Variants in NELL2 observed in about 807,000 individuals in gnomAD.
NELL2 encodes the protein protein kinase C-binding protein NELL2.
A neutral mutation model predicts 109.6 loss-of-function variants in NELL2; 41 were observed. The observed-to-expected ratio is 0.37, with a 90% CI of 0.29 to 0.49. The LOEUF is 0.49. NELL2 is among the 20% of genes least tolerant of loss of function. The pLI is 0.98. For missense variants in NELL2, 900 were observed against 1,008.3 expected, an observed-to-expected ratio of 0.89 and a Z score of 1.45; for synonymous variants, 355 against 344.7, an observed-to-expected ratio of 1.03 and a Z score of -0.33.
Position 44,683,484 on chromosome 12 carries a change from C to T in NELL2, c.1319-17875G>A, listed in dbSNP as rs1185150740. The stretch of plus-strand genomic sequence containing the variant: ...GAATAGGAGTGGTGAGAGAGGGCAT[C>T]CCTGTCTTGTGCCAGTTTTCAAAGG... On this transcript the variant is annotated intron_variant, in intron 12 of 19. Coordinates refer to ENST00000429094, the MANE Select transcript of NELL2 (RefSeq NM_001145108.2). 3.9e-5 allele frequency among the ~76,000 whole-genome samples: 6 copies of T among 152,080 alleles called. No homozygotes were observed. In the East Asian group the frequency reaches 1.2e-3, roughly 29 times the overall value.
intron 1 of NELL2, among the ~76,000 whole-genome samples, chr12:44,895,919 GCCATAATTATATA>G (rs1414670016): frequency 1.3e-5 from 2 of 151,984 alleles, no homozygotes; most frequent in African/African-American, 2.4e-5. Flanking sequence ...TTAACAATAA[GCCATAATTATATA>G]CATTTGCAAA....
intron 13 of NELL2, among the ~76,000 whole-genome samples, chr12:44,658,929 C>G (rs1376846979): frequency 2.0e-5 from 3 of 149,004 alleles, no homozygotes; most frequent in Non-Finnish European, 3.0e-5. Flanking sequence ...TTGGAGGCAT[C>G]ACACTACCTG....
chr12:44,814,399 G>T (rs1162416470), intron 3 of NELL2, among the ~76,000 whole-genome samples: 1 of 152,202 alleles, frequency 6.6e-6, no homozygotes, highest in Non-Finnish European at 1.5e-5. Context: ...GAACAATCTT[G>T]CTTTATTACA....
intron 9 of NELL2, among the ~76,000 whole-genome samples, chr12:44,728,026 T>TCA (rs375301619): frequency 2.8e-4 from 42 of 150,114 alleles, no homozygotes; most frequent in Admixed American, 4.7e-4. Context: ...ATACTCTCAC[T>TCA]CACACACACA....
At chr12:44,515,142 G>A (rs969945346) in intron 19 of NELL2, among the ~76,000 whole-genome samples, 9 of 151,664 alleles carry the variant, frequency 5.9e-5, no homozygotes, top group Non-Finnish European at 7.4e-5. Context: ...ATCCATCAGT[G>A]TCACAAATTA....
At chr12:44,682,226 G>A (rs1389682895) in intron 12 of NELL2, among the ~76,000 whole-genome samples, 1 of 150,390 alleles carries the variant, frequency 6.6e-6, no homozygotes, top group Non-Finnish European at 1.5e-5. Flanking sequence ...CTTTTGAGAA[G>A]TGTCTGTTCA....
chr12:44,556,642 C>T (rs983388633), intron 15 of NELL2, among the ~76,000 whole-genome samples: 7 of 152,250 alleles, frequency 4.6e-5, no homozygotes, highest in Middle Eastern at 3.4e-3. Flanking sequence ...AGGTACTAAC[C>T]CAGCTAAGAT....
chr12:44,708,160 T>A (rs1937990880), intron 11 of NELL2, among the ~76,000 whole-genome samples: 1 of 152,184 alleles, frequency 6.6e-6, no homozygotes, highest in Non-Finnish European at 1.5e-5. Flanking sequence ...TCAGTCTCTG[T>A]CATGTGGTAA....
intron 9 of NELL2, among the ~76,000 whole-genome samples, chr12:44,742,654 T>G (rs1360929974): frequency 6.6e-6 from 1 of 151,938 alleles, no homozygotes; most frequent in South Asian, 2.1e-4. Context: ...ACGTGACAAA[T>G]GCAGAAGCCT....
rs767412046 is a variant in NELL2, at chr12:44,711,344, A to G, written c.1137T>C (p.Cys379=). The change falls in exon 11 of 20, where the codon TGT becomes TGC. Residue 379 remains cysteine, a synonymous_variant. Transcript: ENST00000429094. ...VESSGCPALD[C]PESHQITLSH... ...ACAAGGTTATCTGATGAGACTCTGG[A>G]CAATCCAAAGCTGGACAGCCTGAAC... The G allele has an allele frequency of 4.3e-6, 7 of 1,612,574 alleles. No homozygotes were observed. The East Asian group carries it at 8.9e-5, about 21-fold the overall frequency.
chr12:44,780,091 C>G (rs916694967), intron 3 of NELL2, 69 bp from the exon 4 acceptor site: 1 of 1,531,084 alleles, frequency 6.5e-7, no homozygotes, highest in Admixed American at 1.8e-5. Context: ...TGATCTCTGT[C>G]TACGGGATGG....
At chr12:44,606,363 G>A (rs895115794) in intron 15 of NELL2, among the ~76,000 whole-genome samples, 3 of 152,090 alleles carry the variant, frequency 2.0e-5, no homozygotes, top group African/African-American at 7.2e-5. Flanking sequence ...ATGAAAAGCA[G>A]TATGAGATGA....
upstream of NELL2, chr12:44,876,531 G>C: frequency 7.0e-7 from 1 of 1,430,702 alleles, no homozygotes; most frequent in Non-Finnish European, 9.2e-7. Flanking sequence ...CGATGACCCG[G>C]GCAATGCCAA....
Position 44,876,233 on chromosome 12 carries a change from G to A in NELL2, c.-364C>T, listed in dbSNP as rs1000544024. On this transcript the variant is annotated 5_prime_UTR_variant, in exon 1 of 20. Coordinates refer to ENST00000429094, the MANE Select transcript of NELL2 (RefSeq NM_001145108.2). ...TCGCACACCCGGTAGAAGGGGGGCG[G>A]CCCCAAGAAAGCCCGGGCTGGGGCG... The A allele has an allele frequency of 6.0e-6, 7 of 1,169,078 alleles. No homozygotes were observed. Among genetic ancestry groups the A allele is most frequent in the Non-Finnish European group, 7.4e-6 (7 of 945,566 alleles). The allele number at this position is 1,169,078 out of a possible 1,614,324, so 72.4% of individuals were successfully genotyped here.
At chr12:44,857,872 A>C (rs1847085977) in intron 2 of NELL2, among the ~76,000 whole-genome samples, 1 of 152,134 alleles carries the variant, frequency 6.6e-6, no homozygotes, top group South Asian at 2.1e-4. Flanking sequence ...ATTAAGAACT[A>C]AAAACAGCAA....
intron 2 of NELL2, among the ~76,000 whole-genome samples, chr12:44,867,049 A>T (rs955938767): frequency 7.2e-5 from 11 of 152,178 alleles, no homozygotes; most frequent in Admixed American, 2.6e-4. Context: ...CTTCACTGCT[A>T]AACTCTATTT....
intron 9 of NELL2, among the ~76,000 whole-genome samples, chr12:44,733,174 C>A (rs910123792): frequency 2.6e-5 from 4 of 151,936 alleles, no homozygotes; most frequent in African/African-American, 9.7e-5. Context: ...GAAAATAAAA[C>A]TACCATATGC....
intron 15 of NELL2, among the ~76,000 whole-genome samples, chr12:44,543,772 A>T (rs1942678548): frequency 1.3e-5 from 2 of 152,164 alleles, no homozygotes; most frequent in Non-Finnish European, 2.9e-5. Flanking sequence ...ATTCTAGTGC[A>T]TCAGTCTGAA....
chr12:44,777,729 GA>G (rs1195965317), intron 5 of NELL2, among the ~76,000 whole-genome samples: 1 of 152,284 alleles, frequency 6.6e-6, no homozygotes, highest in Admixed American at 6.5e-5. Flanking sequence ...GAAAAGGATA[GA>G]AAAACTGAGT....
Sources: allele counts gnomAD v4.1 joint callset (sites outside exome capture counted in the v4.1 genomes callset), GRCh38; gene constraint gnomAD v4.1.1; transcripts MANE v1.5; gene names NCBI Gene and HGNC (gene_info 2026-07-23, HGNC 2026-07-21).